The following KIF6 variants were observed in gnomAD, a reference collection of about 807,000 sequenced individuals.
The protein encoded by KIF6 is kinesin family member 6.
KIF6 carries 106 observed loss-of-function variants against 112.7 expected under a neutral mutation model. The ratio of observed to expected loss-of-function variants is 0.94; its 90% CI spans 0.80 to 1.11. The LOEUF is 1.11. Ranked by LOEUF, KIF6 falls within the 50% of genes least tolerant of loss-of-function variation. The pLI is 0.00. For missense variants in KIF6, 929 were observed against 964.0 expected (o/e 0.96, Z 0.48); for synonymous variants, 339 against 339.9 (o/e 1.00, Z 0.03).
intron 15 of KIF6, among the ~76,000 whole-genome samples, chr6:39,397,571 G>A (rs1331361449): frequency 2.6e-5 from 4 of 152,132 alleles, no homozygotes; most frequent in Non-Finnish European, 4.4e-5. Context: ...TGAAATTCCA[G>A]TACGCATGGC....
At chr6:39,345,177 G>A (rs1029089055) in intron 21 of KIF6, among the ~76,000 whole-genome samples, 12 of 152,236 alleles carry the variant, frequency 7.9e-5, no homozygotes, top group East Asian at 5.8e-4. Flanking sequence ...GGCCATTCCC[G>A]CAGGTAGTTT....
intron 6 of KIF6, among the ~76,000 whole-genome samples, chr6:39,604,085 TCTC>T (rs1337044004): frequency 6.8e-6 from 1 of 147,962 alleles, no homozygotes; most frequent in Non-Finnish European, 1.5e-5. Flanking sequence ...CCACTTCAGT[TCTC>T]CTTGTCTGAT....
chr6:39,532,629 A>C (rs1778140262), intron 13 of KIF6, among the ~76,000 whole-genome samples: 1 of 152,326 alleles, frequency 6.6e-6, no homozygotes, highest in East Asian at 1.9e-4. Context: ...GAGAAATGGA[A>C]TTAAGAGATA....
At chr6:39,501,121 C>T (rs554171646) in intron 13 of KIF6, among the ~76,000 whole-genome samples, 2 of 152,262 alleles carry the variant, frequency 1.3e-5, no homozygotes, top group South Asian at 2.1e-4. Flanking sequence ...GGGAGCAACA[C>T]AGAGCCAAGG....
At chr6:39,467,954 T>G (rs1581921225) in intron 13 of KIF6, among the ~76,000 whole-genome samples, 1 of 151,868 alleles carries the variant, frequency 6.6e-6, no homozygotes. Flanking sequence ...AATAAATAAA[T>G]AAAGAAGCAA....
At chr6:39,468,288 G>C (rs1055956398) in intron 13 of KIF6, among the ~76,000 whole-genome samples, 2 of 152,004 alleles carry the variant, frequency 1.3e-5, no homozygotes, top group African/African-American at 4.8e-5. Flanking sequence ...GGAGAAGAGA[G>C]AGAGAAAAAG....
At chr6:39,654,707 T>G (rs899235958) in intron 3 of KIF6, among the ~76,000 whole-genome samples, 7 of 152,340 alleles carry the variant, frequency 4.6e-5, no homozygotes, top group Admixed American at 4.6e-4. Context: ...CCCTTTTGTA[T>G]GCATACTTCC....
chr6:39,505,506 C>G (rs919339080), intron 13 of KIF6, among the ~76,000 whole-genome samples: 1 of 152,170 alleles, frequency 6.6e-6, no homozygotes, highest in Non-Finnish European at 1.5e-5. Flanking sequence ...CAAATGGGGT[C>G]TAATTAAACT....
chr6:39,492,648 C>A lies in KIF6; in HGVS notation c.1645+47355G>T, dbSNP rs9380869. ...TGTCTCAGTGACTGTTGTGTGCCTC[C>A]CCCTTCCTCCTTTTTGTCTTTTGCA... On this transcript the variant is annotated intron_variant, in intron 13 of 22. Coordinates refer to ENST00000287152, the MANE Select transcript of KIF6 (RefSeq NM_145027.6). 0.011 allele frequency among the ~76,000 whole-genome samples: 1,705 copies of A among 152,234 alleles called. 67 individuals are homozygous for A. The East Asian group carries it at 0.12, about 10-fold the overall frequency.
At chr6:39,592,149 TTTA>T (rs748763093) in intron 7 of KIF6, among the ~76,000 whole-genome samples, 4 of 152,158 alleles carry the variant, frequency 2.6e-5, no homozygotes, top group Non-Finnish European at 4.4e-5. Context: ...CCTGACTTTT[TTTA>T]TTGTTTCCTT....
chr6:39,385,571 G>A (rs1767341645), intron 16 of KIF6, 51 bp downstream of exon 16: 3 of 1,435,386 alleles, frequency 2.1e-6, no homozygotes, highest in South Asian at 2.3e-5. Context: ...CTAAAATCAG[G>A]TCAGTTTATA....
chr6:39,613,499 T>A (rs1783337351), intron 5 of KIF6, among the ~76,000 whole-genome samples, 181 bp from the exon 6 acceptor site: 2 of 152,200 alleles, frequency 1.3e-5, no homozygotes, highest in Admixed American at 1.3e-4. Flanking sequence ...TTCACAGTAC[T>A]ATCAAATAGC....
intron 15 of KIF6, among the ~76,000 whole-genome samples, chr6:39,413,777 A>G (rs1422919964): frequency 6.6e-6 from 1 of 152,156 alleles, no homozygotes; most frequent in African/African-American, 2.4e-5. Context: ...TAGATTCCCC[A>G]CTTACCTGAG....
intron 14 of KIF6, among the ~76,000 whole-genome samples, chr6:39,426,995 C>A (rs1166586621): frequency 6.6e-6 from 1 of 152,162 alleles, no homozygotes; most frequent in Non-Finnish European, 1.5e-5. Flanking sequence ...ACTTTGCCAA[C>A]ATAATGTCCC....
At chr6:39,574,161 A>G (rs893471339) in intron 10 of KIF6, among the ~76,000 whole-genome samples, 2 of 152,228 alleles carry the variant, frequency 1.3e-5, no homozygotes, top group Non-Finnish European at 2.9e-5. Context: ...TTTAATTGTT[A>G]TTTGACTGCT....
At chr6:39,632,489 A>C (rs1442447561) in intron 5 of KIF6, among the ~76,000 whole-genome samples, 3 of 152,134 alleles carry the variant, frequency 2.0e-5, no homozygotes, top group Non-Finnish European at 4.4e-5. Context: ...ACAACAATGA[A>C]ATCAGTCAAC....
At chr6:39,455,625 A>G (rs567717435) in intron 13 of KIF6, among the ~76,000 whole-genome samples, 125 of 148,396 alleles carry the variant, frequency 8.4e-4, no homozygotes, top group African/African-American at 2.9e-3. Context: ...ACTTTGAAAA[A>G]AATTTAGAAG....
intron 16 of KIF6, among the ~76,000 whole-genome samples, chr6:39,376,311 G>A (rs1298059622): frequency 1.3e-5 from 2 of 152,144 alleles, no homozygotes; most frequent in African/African-American, 4.8e-5. Context: ...CCAAGGTTGC[G>A]AGTGTTTTCT....
intron 3 of KIF6, among the ~76,000 whole-genome samples, chr6:39,706,735 C>A (rs1297133265): frequency 3.3e-5 from 5 of 152,104 alleles, no homozygotes; most frequent in Non-Finnish European, 7.4e-5. Flanking sequence ...AGGGAACAGG[C>A]AATGAGTTTT....
Sources: gnomAD v4.1 joint callset for allele counts (sites outside exome capture counted in the v4.1 genomes callset) on GRCh38, gnomAD v4.1.1 for gene constraint, MANE v1.5 for transcripts, NCBI Gene and HGNC (gene_info 2026-07-23, HGNC 2026-07-21) for gene names.